Variants in SLC24A2 observed in about 807,000 individuals in gnomAD.
SLC24A2 encodes the protein sodium/potassium/calcium exchanger 2.
SLC24A2 carries 36 observed loss-of-function variants against 62.0 expected under a neutral mutation model. The ratio of observed to expected loss-of-function variants is 0.58; its 90% CI spans 0.44 to 0.77. The LOEUF (loss-of-function observed/expected upper bound fraction) is 0.77. Ranked by LOEUF, SLC24A2 falls within the 30% of genes least tolerant of loss-of-function variation. The pLI, the probability that SLC24A2 is intolerant of heterozygous loss-of-function variation, is 0.00. For missense variants in SLC24A2, 846 were observed against 817.9 expected (o/e 1.03, Z -0.42); for synonymous variants, 358 against 294.0 (o/e 1.22, Z -2.23).
chr9:20,008,467 T>A, the SLC24A2 span, among the ~76,000 whole-genome samples: 1 of 152,144 alleles, frequency 6.6e-6, no homozygotes, highest in Non-Finnish European at 1.5e-5. Context: ...GAAGGATAAC[T>A]GTATCTACAT....
intron 5 of SLC24A2, among the ~76,000 whole-genome samples, chr9:19,593,913 T>G (rs1329664573): frequency 1.3e-5 from 2 of 152,108 alleles, no homozygotes; most frequent in Non-Finnish European, 2.9e-5. Flanking sequence ...AAAATACACT[T>G]TTATGATCAT....
intron 7 of SLC24A2, among the ~76,000 whole-genome samples, chr9:19,557,199 G>T (rs1563962047): frequency 6.6e-6 from 1 of 152,102 alleles, no homozygotes; most frequent in Admixed American, 6.5e-5. Flanking sequence ...ATATGAATGG[G>T]CTTTACATCC....
At chr9:19,962,873 T>G in the SLC24A2 span, among the ~76,000 whole-genome samples, 131 of 152,320 alleles carry the variant, frequency 8.6e-4, no homozygotes, top group Non-Finnish European at 1.6e-3. Context: ...CTAACTGCCC[T>G]GGCCAGAACT....
the SLC24A2 span, among the ~76,000 whole-genome samples, chr9:20,282,422 G>A: frequency 1.3e-5 from 2 of 152,056 alleles, no homozygotes; most frequent in Non-Finnish European, 1.5e-5. Context: ...TGTGTCAAGT[G>A]CATTTTACAC....
At chr9:19,769,831 G>A (rs574639075) in intron 2 of SLC24A2, among the ~76,000 whole-genome samples, 37 of 151,912 alleles carry the variant, frequency 2.4e-4, no homozygotes, top group Admixed American at 5.2e-4. Flanking sequence ...TGCTTAACAC[G>A]TCCTACACCT....
chr9:19,794,700 G>A, the SLC24A2 span, among the ~76,000 whole-genome samples: 1 of 151,782 alleles, frequency 6.6e-6, no homozygotes, highest in African/African-American at 2.4e-5. Context: ...TATTCCTACC[G>A]ATGCCAGCAG....
chr9:20,065,010 C>G, the SLC24A2 span, among the ~76,000 whole-genome samples: 99 of 152,292 alleles, frequency 6.5e-4, 4 homozygotes, highest in East Asian at 0.018. Context: ...ACCTTCATTA[C>G]TGGCAATCTG....
the SLC24A2 span, among the ~76,000 whole-genome samples, chr9:20,302,645 C>T: frequency 2.4e-3 from 358 of 152,214 alleles, 2 homozygotes; most frequent in African/African-American, 8.1e-3. Context: ...ATCAGACTGC[C>T]TTTTGCAAAT....
chr9:19,956,892 G>A, the SLC24A2 span, among the ~76,000 whole-genome samples: 33 of 152,146 alleles, frequency 2.2e-4, no homozygotes, highest in Admixed American at 3.9e-4. Flanking sequence ...TGTCATGTGA[G>A]GACACAGCAA....
intron 9 of SLC24A2, among the ~76,000 whole-genome samples, chr9:19,524,276 C>T (rs1288995617): frequency 3.3e-5 from 5 of 151,418 alleles, no homozygotes; most frequent in African/African-American, 1.2e-4. Context: ...CTAAATGAGA[C>T]ACAAGGTCTT....
the SLC24A2 span, among the ~76,000 whole-genome samples, chr9:20,211,866 G>A: frequency 2.0e-5 from 3 of 151,888 alleles, no homozygotes; most frequent in African/African-American, 7.3e-5. Flanking sequence ...AGAGGTATTG[G>A]TCAAAGAACA....
Position 19,622,304 on chromosome 9 carries a change from A to AT in SLC24A2, c.931-6dup. On this transcript the variant is annotated splice_region_variant and splice_polypyrimidine_tract_variant and intron_variant, in intron 2 of 10. Transcript: ENST00000341998. ...CTTGTCCCTGGCTGCAGATGGCTGC[A>AT]TAAGAGAAAAAGGCAAAGACAAAAG... The AT allele has an allele frequency of 1.2e-6, 2 of 1,612,780 alleles. No homozygotes were observed. The highest frequency in any genetic ancestry group is 1.7e-6 in the Non-Finnish European group (2 of 1,178,946).
chr9:19,968,580 T>C, the SLC24A2 span, among the ~76,000 whole-genome samples: 2 of 152,188 alleles, frequency 1.3e-5, no homozygotes, highest in African/African-American at 4.8e-5. Context: ...AGACCAATTA[T>C]GAAACAAATA....
At chr9:20,108,658 T>C in the SLC24A2 span, among the ~76,000 whole-genome samples, 1 of 130,762 alleles carries the variant, frequency 7.6e-6, no homozygotes, top group Non-Finnish European at 1.5e-5. Flanking sequence ...TGAGAACACA[T>C]GGACACAGGA....
At chr9:19,804,740 T>C in the SLC24A2 span, among the ~76,000 whole-genome samples, 2 of 152,160 alleles carry the variant, frequency 1.3e-5, no homozygotes, top group African/African-American at 4.8e-5. Context: ...TCTTCCACCA[T>C]TAAGTATAGT....
At chr9:19,646,721 C>T (rs1230303544) in intron 2 of SLC24A2, among the ~76,000 whole-genome samples, 2 of 152,106 alleles carry the variant, frequency 1.3e-5, no homozygotes, top group African/African-American at 4.8e-5. Context: ...ATATTACTTC[C>T]TTGGCATGTT....
At chr9:20,248,673 G>A in the SLC24A2 span, among the ~76,000 whole-genome samples, 1 of 152,140 alleles carries the variant, frequency 6.6e-6, no homozygotes, top group South Asian at 2.1e-4. Context: ...ATGAATTTGG[G>A]GGGCCACATT....
chr9:20,198,945 T>C, the SLC24A2 span, among the ~76,000 whole-genome samples: 1 of 152,234 alleles, frequency 6.6e-6, no homozygotes, highest in Non-Finnish European at 1.5e-5. Context: ...TGGATCAGGC[T>C]GTCCAATGTG....
chr9:20,079,374 TAC>T, the SLC24A2 span, among the ~76,000 whole-genome samples: 10 of 152,212 alleles, frequency 6.6e-5, no homozygotes, highest in East Asian at 3.8e-4. Flanking sequence ...AATGTAAACA[TAC>T]ACAGTTTTTT....
Sources: allele counts gnomAD v4.1 joint callset (sites outside exome capture counted in the v4.1 genomes callset), GRCh38; gene constraint gnomAD v4.1.1; transcripts MANE v1.5; gene names NCBI Gene and HGNC (gene_info 2026-07-23, HGNC 2026-07-21).